The following SERPINI1 variants were observed in gnomAD, a reference collection of about 807,000 sequenced individuals.
SERPINI1 encodes neuroserpin.
A neutral mutation model predicts 41.1 loss-of-function variants in SERPINI1; 19 were observed. The observed-to-expected ratio is 0.46, with a 90% CI of 0.32 to 0.68. The LOEUF is 0.68. Among genes scored for constraint, SERPINI1 ranks in the 30% least tolerant of loss-of-function variants. The pLI is 0.03. For missense variants in SERPINI1, 460 were observed against 479.2 expected (o/e 0.96, Z 0.37); for synonymous variants, 138 against 156.6 (o/e 0.88, Z 0.89).
intron 5 of SERPINI1, among the ~76,000 whole-genome samples, chr3:167,796,748 C>G (rs1337071928): frequency 6.7e-6 from 1 of 149,478 alleles, no homozygotes; most frequent in Non-Finnish European, 1.5e-5. Context: ...TTTTTTTTAT[C>G]TGGTCTGTCC....
chr3:167,751,234 A>G (rs1726041381), intron 1 of SERPINI1, among the ~76,000 whole-genome samples: 1 of 152,174 alleles, frequency 6.6e-6, no homozygotes, highest in Non-Finnish European at 1.5e-5. Context: ...TCTATTCTCC[A>G]TTATACTGGA....
chr3:167,787,360 G>A (rs186361527), intron 1 of SERPINI1, among the ~76,000 whole-genome samples: 144 of 152,346 alleles, frequency 9.5e-4, no homozygotes, highest in Non-Finnish European at 1.3e-3. Flanking sequence ...CAAGTATTGT[G>A]TATTGTATGT....
At position 167,794,840 on chromosome 3, in the gene SERPINI1, G is replaced by A; in HGVS notation, c.881+16G>A. ...ACCTGCCCAGGTATGAGGTTCCTGT[G>A]TCACCCGTCCCACAGCATGGACGAT... On this transcript the variant is annotated intron_variant, in intron 5 of 8. Transcript: ENST00000446050. The A allele has an allele frequency of 6.2e-7, 1 of 1,607,308 alleles. No individual in the cohort carries two copies. Among genetic ancestry groups the A allele is most frequent in the Non-Finnish European group, 8.5e-7 (1 of 1,175,336 alleles).
At position 167,794,831 on chromosome 3, in the gene SERPINI1, G is replaced by T. The variant is rs1306862677; in HGVS notation, c.881+7G>T. The T allele has an allele frequency of 6.2e-7, 1 of 1,610,392 alleles. No homozygotes were observed. The highest frequency in any genetic ancestry group is 1.3e-5 in the African/African-American group (1 of 74,798). ...TAGAAGTATACCTGCCCAGGTATGA[G>T]GTTCCTGTGTCACCCGTCCCACAGC... is the stretch of plus-strand genomic sequence containing the variant. On this transcript the variant is annotated splice_region_variant and intron_variant, in intron 5 of 8. Coordinates refer to ENST00000446050, the MANE Select transcript of SERPINI1 (RefSeq NM_001122752.2).
intron 5 of SERPINI1, among the ~76,000 whole-genome samples, chr3:167,795,741 G>A (rs991786112): frequency 1.3e-5 from 2 of 151,972 alleles, no homozygotes; most frequent in African/African-American, 2.4e-5. Context: ...TAAGTTCTAG[G>A]GTAGAGCCAG....
chr3:167,793,488 A>G (rs1727595432), intron 4 of SERPINI1, among the ~76,000 whole-genome samples: 1 of 151,570 alleles, frequency 6.6e-6, no homozygotes, highest in African/African-American at 2.4e-5. Context: ...CTGTAATCCC[A>G]GTACTTTGAG....
chr3:167,791,282 T>G (rs1727499536), intron 3 of SERPINI1, among the ~76,000 whole-genome samples: 1 of 152,158 alleles, frequency 6.6e-6, no homozygotes, highest in African/African-American at 2.4e-5. Context: ...TTTATAGCTG[T>G]TCATTAAATG....
chr3:167,742,036 CTAGT>C, intron 1 of SERPINI1, among the ~76,000 whole-genome samples: 1 of 151,284 alleles, frequency 6.6e-6, no homozygotes, highest in South Asian at 2.1e-4. Flanking sequence ...ATGCAAATAA[CTAGT>C]TATCTAGATA....
chr3:167,793,795 A>G (rs1487740358), intron 4 of SERPINI1, among the ~76,000 whole-genome samples: 4 of 138,214 alleles, frequency 2.9e-5, no homozygotes, highest in African/African-American at 8.7e-5. Context: ...ATAAAACTAT[A>G]TATACTGTGT....
At chr3:167,772,249 T>TA (rs1432641189) in intron 1 of SERPINI1, among the ~76,000 whole-genome samples, 1 of 152,178 alleles carries the variant, frequency 6.6e-6, no homozygotes, top group East Asian at 1.9e-4. Context: ...AGGTCAAAGA[T>TA]ATATTTTATG....
intron 5 of SERPINI1, among the ~76,000 whole-genome samples, chr3:167,797,867 A>G (rs1727767210): frequency 6.6e-6 from 1 of 152,118 alleles, no homozygotes; most frequent in Admixed American, 6.6e-5. Context: ...AATCAGGCCT[A>G]AAGTTATAAA....
intron 1 of SERPINI1, among the ~76,000 whole-genome samples, chr3:167,739,309 A>G (rs1182706467): frequency 6.6e-6 from 1 of 152,196 alleles, no homozygotes; most frequent in African/African-American, 2.4e-5. Context: ...ACCATTGGAC[A>G]TTGGACAATA....
chr3:167,772,101 A>G (rs1391136985), intron 1 of SERPINI1, among the ~76,000 whole-genome samples: 1 of 152,102 alleles, frequency 6.6e-6, no homozygotes, highest in East Asian at 1.9e-4. Context: ...TTAATCTACA[A>G]ATGGGGTTGC....
chr3:167,748,823 A>G (rs912075570), intron 1 of SERPINI1, among the ~76,000 whole-genome samples: 22 of 149,824 alleles, frequency 1.5e-4, no homozygotes, highest in East Asian at 2.0e-4. Context: ...GTTCTCCACA[A>G]TGAGTACCAT....
chr3:167,820,549 G>T lies in SERPINI1; in HGVS notation c.980-2437G>T, dbSNP rs180960456. On this transcript the variant is annotated intron_variant, in intron 6 of 8. Coordinates refer to ENST00000446050, the MANE Select transcript of SERPINI1 (RefSeq NM_001122752.2). ...GTGCTGTCATGAGCTGGCCGGGTGT[G>T]CACATGCCTGGGGCAGTGCTGACAC... Among the ~76,000 whole-genome samples the T allele has an allele frequency of 3.8e-3, 580 of 152,354 alleles. 3 individuals carry two copies. The highest frequency in any genetic ancestry group is 0.013 in the African/African-American group (545 of 41,584).
At position 167,803,284 on chromosome 3, in the gene SERPINI1, AAAATAAAT is replaced by A. The variant is rs3061436; in HGVS notation, c.882-3937_882-3930del. On this transcript the variant is annotated intron_variant, in intron 5 of 8. Transcript: ENST00000446050. ...CAAAACTTAAAGTATAATAATAATA[AAAATAAAT>A]AAATAAATAAATAAATAAATAAGAC... 3.7e-3 allele frequency among the ~76,000 whole-genome samples: 540 copies of A among 147,654 alleles called. 1 individual carries two copies. Among genetic ancestry groups the A allele is most frequent in the African/African-American group, 4.2e-3 (169 of 40,150 alleles).
At chr3:167,755,945 G>C (rs1360974159) in intron 1 of SERPINI1, among the ~76,000 whole-genome samples, 1 of 151,978 alleles carries the variant, frequency 6.6e-6, no homozygotes, top group Non-Finnish European at 1.5e-5. Flanking sequence ...CCATGACCCT[G>C]ACTAGCTGGC....
intron 1 of SERPINI1, among the ~76,000 whole-genome samples, chr3:167,743,220 A>G (rs1725736091): frequency 6.6e-6 from 1 of 152,240 alleles, no homozygotes; most frequent in Admixed American, 6.5e-5. Flanking sequence ...TCCCTAGAGG[A>G]GAGCCTACTC....
intron 5 of SERPINI1, among the ~76,000 whole-genome samples, chr3:167,798,330 C>A (rs532342145): frequency 1.3e-5 from 2 of 152,314 alleles, no homozygotes; most frequent in South Asian, 2.1e-4. Context: ...TCCATAAATT[C>A]TCCCTGTACA....
Sources: allele counts gnomAD v4.1 joint callset (sites outside exome capture counted in the v4.1 genomes callset), GRCh38; gene constraint gnomAD v4.1.1; transcripts MANE v1.5; gene names NCBI Gene and HGNC (gene_info 2026-07-23, HGNC 2026-07-21).